Variants in ELMO1 observed in about 807,000 individuals in gnomAD.
ELMO1 encodes engulfment and cell motility 1, also known as engulfment and cell motility protein 1.
A neutral mutation model predicts 98.9 loss-of-function variants in ELMO1; 26 were observed. That is an observed-to-expected ratio of 0.26 (90% CI 0.19 to 0.36). ELMO1 has a LOEUF of 0.36. ELMO1 is among the 10% of genes least tolerant of loss of function. The pLI is 1.00. For synonymous variants in ELMO1, 346 were observed against 346.0 expected (o/e 1.00, Z 0.00); for missense variants, 627 against 935.2 (o/e 0.67, Z 4.30).
intron 1 of ELMO1, among the ~76,000 whole-genome samples, chr7:37,343,398 A>G (rs934407921): frequency 2.0e-5 from 3 of 152,028 alleles, no homozygotes; most frequent in Non-Finnish European, 4.4e-5. Flanking sequence ...TTCAGAACAG[A>G]CTTTGAATTC....
intron 13 of ELMO1, among the ~76,000 whole-genome samples, chr7:37,179,607 A>C (rs1233653262): frequency 1.3e-5 from 2 of 152,158 alleles, no homozygotes; most frequent in Non-Finnish European, 2.9e-5. Flanking sequence ...TTTAAAAACA[A>C]AAGGCAAAAT....
At chr7:36,938,323 G>C (rs1165697441) in intron 16 of ELMO1, among the ~76,000 whole-genome samples, 3 of 152,226 alleles carry the variant, frequency 2.0e-5, no homozygotes, top group Non-Finnish European at 4.4e-5. Context: ...ACAAGTTGCT[G>C]AAACCAAGCC....
chr7:37,224,390 T>C (rs1793755861), intron 9 of ELMO1, among the ~76,000 whole-genome samples: 1 of 152,162 alleles, frequency 6.6e-6, no homozygotes, highest in Admixed American at 6.5e-5. Flanking sequence ...TATTATAAAA[T>C]ACAAAAGAAG....
chr7:36,894,726 C>T, intron 17 of ELMO1, 128 bp downstream of exon 17: 4 of 1,180,672 alleles, frequency 3.4e-6, no homozygotes, highest in Non-Finnish European at 4.9e-6. Context: ...AATGGAGATA[C>T]TTGGAATGTC....
At chr7:37,215,395 C>A (rs1163584925) in intron 11 of ELMO1, among the ~76,000 whole-genome samples, 1 of 152,174 alleles carries the variant, frequency 6.6e-6, no homozygotes, top group Non-Finnish European at 1.5e-5. Flanking sequence ...GCTGTTGGGA[C>A]ATCTGGGACC....
chr7:36,900,175 A>G (rs1562808488), intron 16 of ELMO1, among the ~76,000 whole-genome samples: 1 of 152,156 alleles, frequency 6.6e-6, no homozygotes, highest in East Asian at 1.9e-4. Flanking sequence ...CAAGTATGAG[A>G]ACCACCGATT....
intron 1 of ELMO1, among the ~76,000 whole-genome samples, chr7:37,440,768 C>CAA (rs11440673): frequency 4.8e-4 from 63 of 129,938 alleles, no homozygotes; most frequent in South Asian, 1.0e-3. Flanking sequence ...GACTCCATCT[C>CAA]AAAAAAAAAA....
At chr7:37,165,300 C>T (rs1187899215) in intron 13 of ELMO1, among the ~76,000 whole-genome samples, 1 of 151,898 alleles carries the variant, frequency 6.6e-6, no homozygotes, top group Non-Finnish European at 1.5e-5. Context: ...AATTTGACTT[C>T]CTCTTTTCCT....
intron 15 of ELMO1, among the ~76,000 whole-genome samples, chr7:37,088,305 C>T (rs1194666658): frequency 6.6e-6 from 1 of 152,138 alleles, no homozygotes; most frequent in Non-Finnish European, 1.5e-5. Context: ...GAACATTTTC[C>T]TGCAATTTCA....
At chr7:37,132,100 C>A (rs775466892) in intron 14 of ELMO1, among the ~76,000 whole-genome samples, 2 of 152,134 alleles carry the variant, frequency 1.3e-5, no homozygotes, top group Non-Finnish European at 2.9e-5. Flanking sequence ...ACCATCAAGT[C>A]TCTCTGGTTT....
chr7:37,292,751 C>T (rs1454382486), intron 4 of ELMO1, among the ~76,000 whole-genome samples: 2 of 104,402 alleles, frequency 1.9e-5, no homozygotes, highest in South Asian at 3.4e-4. Context: ...GGGTCAGCCC[C>T]CCGCCCGGCC....
At position 37,247,895 on chromosome 7, in the gene ELMO1, ATGTG is replaced by A. The variant is rs58502667; in HGVS notation, c.414-3508_414-3505del. Among the ~76,000 whole-genome samples the A allele has an allele frequency of 5.6e-3, 815 of 146,632 alleles. 2 individuals are homozygous for A. The highest frequency in any genetic ancestry group is 0.024 in the East Asian group (115 of 4,876). On this transcript the variant is annotated intron_variant, in intron 6 of 21. Coordinates refer to ENST00000310758, the MANE Select transcript of ELMO1 (RefSeq NM_014800.11). ...AAGTTTAAAATGGTTTTGAAATAAA[ATGTG>A]TGTGTGTGTGTGTGTGTGTGTGTGT...
chr7:37,410,929 G>A (rs1276977055), intron 1 of ELMO1, among the ~76,000 whole-genome samples: 4 of 152,218 alleles, frequency 2.6e-5, no homozygotes, highest in Non-Finnish European at 4.4e-5. Flanking sequence ...TGGGGTCAGT[G>A]CAGAAGGCAT....
intron 1 of ELMO1, among the ~76,000 whole-genome samples, chr7:37,353,827 T>C (rs1418313666): frequency 2.0e-5 from 3 of 152,210 alleles, no homozygotes; most frequent in African/African-American, 7.2e-5. Context: ...TTGGTGTATT[T>C]ACAATCCTTT....
chr7:37,417,777 G>C, intron 1 of ELMO1, among the ~76,000 whole-genome samples: 1 of 152,192 alleles, frequency 6.6e-6, no homozygotes, highest in South Asian at 2.1e-4. Context: ...GTGAGGCAGA[G>C]GTTGCAGTGA....
intron 16 of ELMO1, among the ~76,000 whole-genome samples, chr7:36,927,852 G>A (rs367731531): frequency 1.7e-4 from 26 of 152,302 alleles, no homozygotes; most frequent in African/African-American, 5.8e-4. Flanking sequence ...TCCAAGGACT[G>A]TCATTTTAAC....
At chr7:37,325,947 A>T (rs1272848310) in intron 2 of ELMO1, among the ~76,000 whole-genome samples, 1 of 151,732 alleles carries the variant, frequency 6.6e-6, no homozygotes, top group Non-Finnish European at 1.5e-5. Context: ...TAACAGTTCT[A>T]CTCTTCTTCC....
intron 13 of ELMO1, among the ~76,000 whole-genome samples, chr7:37,194,073 T>G (rs11767886): frequency 0.99 from 151,260 of 152,282 alleles, 75,134 homozygotes; most frequent in East Asian, 1. Flanking sequence ...TGGAGTCCCA[T>G]GTGTCACACA....
chr7:37,131,258 T>C (rs1198214866), intron 14 of ELMO1, among the ~76,000 whole-genome samples: 2 of 152,188 alleles, frequency 1.3e-5, no homozygotes, highest in Non-Finnish European at 2.9e-5. Flanking sequence ...CAAAGTCATC[T>C]GAGATACAGG....
Sources: gnomAD v4.1 joint callset for allele counts (sites outside exome capture counted in the v4.1 genomes callset) on GRCh38, gnomAD v4.1.1 for gene constraint, MANE v1.5 for transcripts, NCBI Gene and HGNC (gene_info 2026-07-23, HGNC 2026-07-21) for gene names.